Variants in LYSMD1 observed in about 807,000 individuals in gnomAD.
LYSMD1 encodes the protein LysM domain containing 1.
A neutral mutation model predicts 19.3 loss-of-function variants in LYSMD1; 9 were observed. That is an observed-to-expected ratio of 0.47 (90% CI 0.28 to 0.81). The LOEUF (loss-of-function observed/expected upper bound fraction) is 0.81. Among genes scored for constraint, LYSMD1 ranks in the 40% least tolerant of loss-of-function variants. LYSMD1 has a pLI of 0.11. For synonymous variants in LYSMD1, 111 were observed against 111.7 expected (o/e 0.99, Z 0.04); for missense variants, 262 against 279.8 (o/e 0.94, Z 0.45).
At chr1:151,157,118 C>CGCCAATGGG (rs1219304336), downstream of LYSMD1, among the ~76,000 whole-genome samples, 17 of 152,000 alleles carry the variant, frequency 1.1e-4, no homozygotes, top group Non-Finnish European at 2.4e-4. Context: ...AAATGTGAGA[C>CGCCAATGGG]GGCAATGGGG....
At chr1:151,149,932 C>T in the LYSMD1 span, among the ~76,000 whole-genome samples, 1 of 152,066 alleles carries the variant, frequency 6.6e-6, no homozygotes, top group Admixed American at 6.6e-5. Flanking sequence ...GTGAGAATTC[C>T]ACCAACTTTT....
downstream of LYSMD1, chr1:151,158,919 C>T (rs1683330882): frequency 6.2e-7 from 1 of 1,614,250 alleles, no homozygotes; most frequent in Admixed American, 1.7e-5. Context: ...CTGTGCTGCA[C>T]CGCAATGGCT....
At position 151,162,004 on chromosome 1, in the gene LYSMD1, G is replaced by GGTCTCC. The variant is rs774467416; in HGVS notation, c.276_277insGGAGAC (p.Asp92_Leu93insGlyAsp). On this transcript the variant is annotated inframe_insertion, in exon 2 of 3. Transcript: ENST00000368908. ...TCCTCAGAGTCCAAACCATTGAACA[G>GGTCTCC]GTCTCTGGGCTCTGTCAGGATGGGG... is the stretch of plus-strand genomic sequence containing the variant. The GGTCTCC allele has an allele frequency of 1.2e-6, 2 of 1,613,972 alleles. No individual in the cohort carries two copies. The highest frequency in any genetic ancestry group is 1.7e-6 in the Non-Finnish European group (2 of 1,180,004).
In LYSMD1 at chr1:151,161,819, G is replaced by A; in HGVS notation, c.462C>T (p.Ala154=). The change falls in exon 2 of 3, where the codon GCC becomes GCT. Residue 154 remains alanine, a synonymous_variant. Transcript: ENST00000368908. ...AATCAAGCTTCTTAAGGAAATCAGA[G>A]GCAGAGAGGTCATGGATGGGCGTGG... The part of the protein sequence containing the change: ...ETPTPIHDLS[A]SDFLKKLDSQ... 2 of 1,613,216 alleles carry A rather than the reference G, an allele frequency of 1.2e-6. No homozygotes were observed. Among genetic ancestry groups the A allele is most frequent in the South Asian group, 2.2e-5 (2 of 90,942 alleles).
At position 151,165,444 on chromosome 1, in the gene LYSMD1, T is replaced by C; in HGVS notation, c.-186A>G. On this transcript the variant is annotated 5_prime_UTR_variant, in exon 1 of 3. Coordinates refer to ENST00000368908, the MANE Select transcript of LYSMD1 (RefSeq NM_212551.5). ...CCGGTTTCTCCTCCCTCCAAGCTAC[T>C]TATCCACAAATCTGTCCCTTGAGTA... 7.0e-7 allele frequency: 1 copy of C among 1,428,458 alleles called. No individual in the cohort carries two copies. The highest frequency in any genetic ancestry group is 1.5e-5 in the South Asian group (1 of 66,150). The allele number at this position is 1,428,458 out of a possible 1,614,324, so 88.5% of individuals were successfully genotyped here.
intron 1 of LYSMD1, 102 bp downstream of exon 1, chr1:151,164,977 T>A: frequency 1.0e-6 from 1 of 966,500 alleles, no homozygotes; most frequent in Non-Finnish European, 1.6e-6. Context: ...GTGCAACACA[T>A]TAGGAACATT....
rs1192507446 is a variant in LYSMD1 at position 151,165,715 on chromosome 1, G to A, written c.-457C>T. 1 of 1,551,720 alleles carries A rather than the reference G, an allele frequency of 6.4e-7. No homozygotes were observed. The stretch of plus-strand genomic sequence containing the variant: ...CAGGTGAACTGTCGCCGCAGACGAA[G>A]AGCGTGAGGATTGCAAGAATTTGTA... On this transcript the variant is annotated 5_prime_UTR_variant, in exon 1 of 3. Coordinates refer to ENST00000368908, the MANE Select transcript of LYSMD1 (RefSeq NM_212551.5).
At chr1:151,159,343 A>G (rs1019014295), downstream of LYSMD1, 1 of 1,288,794 alleles carries the variant, frequency 7.8e-7, no homozygotes, top group Non-Finnish European at 1.1e-6. Flanking sequence ...ACCTGGCACT[A>G]ACACTTTTCA....
At position 151,165,709 on chromosome 1, in the gene LYSMD1, G is replaced by C. The variant is rs775643449; in HGVS notation, c.-451C>G. On this transcript the variant is annotated 5_prime_UTR_variant, in exon 1 of 3. Transcript: ENST00000368908. ...CCACCCCAGGTGAACTGTCGCCGCA[G>C]ACGAAGAGCGTGAGGATTGCAAGAA... The C allele has an allele frequency of 6.4e-7, 1 of 1,551,700 alleles. No individual in the cohort carries two copies. Among genetic ancestry groups the C allele is most frequent in the Non-Finnish European group, 8.7e-7 (1 of 1,147,002 alleles).
In LYSMD1 at chr1:151,165,578, A is replaced by T; in HGVS notation, c.-320T>A. The T allele has an allele frequency of 2.0e-6, 3 of 1,482,224 alleles. No homozygotes were observed. The highest frequency in any genetic ancestry group is 2.7e-6 in the Non-Finnish European group (3 of 1,121,978). 91.8% of individuals were successfully genotyped at this position (1,482,224 alleles called of 1,614,324 possible). On this transcript the variant is annotated 5_prime_UTR_variant, in exon 1 of 3. Transcript: ENST00000368908. Reference sequence around the variant, plus strand: ...TTGAACTCTAGAAATAATCCTCAACACTCTTTCCTCAGTTTGCCCCCAAGT... The same window carrying T: ...TTGAACTCTAGAAATAATCCTCAACTCTCTTTCCTCAGTTTGCCCCCAAGT...
the LYSMD1 span, among the ~76,000 whole-genome samples, chr1:151,149,708 A>T: frequency 6.6e-6 from 1 of 151,294 alleles, no homozygotes; most frequent in Non-Finnish European, 1.5e-5. Flanking sequence ...CCGAGATCGC[A>T]CCACTGCACT....
chr1:151,156,231 T>G (rs892262236), downstream of LYSMD1, among the ~76,000 whole-genome samples: 1 of 151,572 alleles, frequency 6.6e-6, no homozygotes, highest in Non-Finnish European at 1.5e-5. Context: ...CCTTCCTCCC[T>G]TCAGTATTAA....
Position 151,162,057 on chromosome 1 carries a change from G to A in LYSMD1, c.224C>T (p.Ser75Phe), listed in dbSNP as rs1340255999. 6.2e-7 allele frequency: 1 copy of A among 1,611,678 alleles called. No homozygotes were observed. Among genetic ancestry groups the A allele is most frequent in the Middle Eastern group, 1.7e-4 (1 of 6,054 alleles). The change falls in exon 2 of 3, where the codon TCC becomes TTC. Residue 75 changes from serine (S) to phenylalanine (F), a missense_variant. Coordinates refer to ENST00000368908, the MANE Select transcript of LYSMD1 (RefSeq NM_212551.5). ...KRANRLYTND[S>F]IFLKKTLYIP... ...GTAGAGGGTTTTCTTCAGGAAGATGGAGTCATTAGTATAAAGGCGGTTTGC... is the reference window on the plus strand; with the variant it reads ...GTAGAGGGTTTTCTTCAGGAAGATGAAGTCATTAGTATAAAGGCGGTTTGC...
the LYSMD1 span, among the ~76,000 whole-genome samples, chr1:151,149,584 C>G: frequency 2.6e-5 from 4 of 151,864 alleles, no homozygotes; most frequent in Non-Finnish European, 5.9e-5. Flanking sequence ...AACCCCGTCT[C>G]TACTAAAATA....
chr1:151,157,118 C>T (rs1342635668), downstream of LYSMD1, among the ~76,000 whole-genome samples: 3 of 152,000 alleles, frequency 2.0e-5, no homozygotes, highest in South Asian at 4.1e-4. Flanking sequence ...AAATGTGAGA[C>T]GGCAATGGGG....
chr1:151,165,680 A>T lies in LYSMD1; in HGVS notation c.-422T>A, dbSNP rs587675330. The stretch of plus-strand genomic sequence containing the variant: ...TGTTTGCTAGAGTCAGGAACAAATC[A>T]GGCCCACCCCAGGTGAACTGTCGCC... On this transcript the variant is annotated 5_prime_UTR_variant, in exon 1 of 3. It removes the in-frame stop codon of an upstream open reading frame in the 5' UTR. Coordinates refer to ENST00000368908, the MANE Select transcript of LYSMD1 (RefSeq NM_212551.5). The T allele has an allele frequency of 6.4e-7, 1 of 1,551,294 alleles. No individual in the cohort carries two copies. Among genetic ancestry groups the T allele is most frequent in the African/African-American group, 1.4e-5 (1 of 73,190 alleles).
In LYSMD1 at chr1:151,161,800, G is replaced by A; in HGVS notation, c.481C>T (p.Leu161Phe). ...TTGGACAGGCTGATCTGTGAATCAAGCTTCTTAAGGAAATCAGAGGCAGAG... is the reference window on the plus strand; with the variant it reads ...TTGGACAGGCTGATCTGTGAATCAAACTTCTTAAGGAAATCAGAGGCAGAG... ...DLSASDFLKK[L>F]DSQISLSKKA... Residue 161 changes from leucine (L) to phenylalanine (F), a missense_variant, in exon 2 of 3, where the codon CTT becomes TTT. Leu to Phe is a conservative substitution (Grantham distance 22). Coordinates refer to ENST00000368908, the MANE Select transcript of LYSMD1 (RefSeq NM_212551.5). The A allele has an allele frequency of 6.2e-7, 1 of 1,612,748 alleles. No individual in the cohort carries two copies. Among genetic ancestry groups the A allele is most frequent in the Non-Finnish European group, 8.5e-7 (1 of 1,179,666 alleles).
chr1:151,157,492 G>A (rs1350060234), downstream of LYSMD1, among the ~76,000 whole-genome samples: 1 of 152,120 alleles, frequency 6.6e-6, no homozygotes, highest in South Asian at 2.1e-4. Context: ...CCACCAAGAG[G>A]GTCCTGAGTT....
At position 151,160,260 on chromosome 1, in the gene LYSMD1, C is replaced by CAAAAAAAAAAAAAAAAAAA. The variant is rs1683393278; in HGVS notation, c.*621_*622insTTTTTTTTTTTTTTTTTTT. On this transcript the variant is annotated 3_prime_UTR_variant, in exon 3 of 3. Transcript: ENST00000368908. ...TACCAAAAAAAAAAAAAAAAAGAAT[C>CAAAAAAAAAAAAAAAAAAA]AGCCCAAATCTGTCACTTTGAGATT... is the stretch of plus-strand genomic sequence containing the variant. 7.0e-5 allele frequency: 1 copy of CAAAAAAAAAAAAAAAAAAA among 14,260 alleles called. No individual in the cohort carries two copies. The allele number at this position is 14,260 out of a possible 1,614,324, so 0.9% of individuals were successfully genotyped here. A position where few individuals can be genotyped will look rare whatever the true frequency, so the allele number is the denominator to read the frequency against.
Sources: allele counts gnomAD v4.1 joint callset (sites outside exome capture counted in the v4.1 genomes callset), GRCh38; gene constraint gnomAD v4.1.1; transcripts MANE v1.5; gene names NCBI Gene and HGNC (gene_info 2026-07-23, HGNC 2026-07-21).